Variants in RNASE4 observed in about 807,000 individuals in gnomAD.
RNASE4 encodes the protein ribonuclease 4.
For synonymous variants in RNASE4, 93 were observed against 71.4 expected (o/e 1.30, Z -1.52); for missense variants, 194 against 192.8 (o/e 1.01, Z -0.04).
At chr14:20,693,971 C>G in intron 1 of RNASE4, 1 of 1,614,100 alleles carries the variant, frequency 6.2e-7, no homozygotes, top group Non-Finnish European at 8.5e-7. Flanking sequence ...AATGGCTTAC[C>G]TGTCCACTTG....
intron 1 of RNASE4, among the ~76,000 whole-genome samples, chr14:20,690,985 A>G (rs760038320): frequency 3.3e-5 from 5 of 152,320 alleles, no homozygotes; most frequent in Non-Finnish European, 7.3e-5. Flanking sequence ...CCTTATGGGT[A>G]GATTCTGAAC....
chr14:20,688,578 T>C (rs1886537405), intron 1 of RNASE4: 1 of 591,264 alleles, frequency 1.7e-6, no homozygotes, highest in African/African-American at 2.0e-5. Context: ...CAGAAGGCCA[T>C]GTTTCTCAAA....
chr14:20,695,344 G>A (rs1320847670), intron 1 of RNASE4, among the ~76,000 whole-genome samples: 2 of 149,074 alleles, frequency 1.3e-5, no homozygotes, highest in South Asian at 2.1e-4. Flanking sequence ...GCACTGAGCC[G>A]AGATCACGCC....
intron 1 of RNASE4, among the ~76,000 whole-genome samples, chr14:20,694,580 A>C (rs1887013242): frequency 1.3e-5 from 2 of 152,028 alleles, no homozygotes; most frequent in Admixed American, 1.3e-4. Flanking sequence ...GATTACAGGC[A>C]TGAGCCACTG....
intron 1 of RNASE4, among the ~76,000 whole-genome samples, chr14:20,695,871 A>C (rs1887076650): frequency 6.6e-6 from 1 of 152,266 alleles, no homozygotes. Context: ...TCCTTGGGTT[A>C]GTCTGTTTCA....
rs768342067 is a variant in RNASE4, at chr14:20,693,617, T to A, written c.-17-5738T>A. 16 of 1,614,068 alleles carry A rather than the reference T, an allele frequency of 9.9e-6. No homozygotes were observed. In the South Asian group the frequency reaches 1.4e-4, roughly 14 times the overall value. ...TTGGTCTTCGTGCTGGGTCTGGGTC[T>A]GACCCCACCGACCCTGGCTCAGGAT... On this transcript the variant is annotated intron_variant, in intron 1 of 1. Coordinates refer to ENST00000555835, the MANE Select transcript of RNASE4 (RefSeq NM_002937.5).
chr14:20,695,828 T>C (rs1209109808), intron 1 of RNASE4, among the ~76,000 whole-genome samples: 1 of 152,254 alleles, frequency 6.6e-6, no homozygotes, highest in African/African-American at 2.4e-5. Context: ...GAGAAGTAGG[T>C]AGCTGGTATG....
intron 1 of RNASE4, chr14:20,688,685 C>T (rs1886542828): frequency 1.0e-6 from 1 of 985,108 alleles, no homozygotes; most frequent in African/African-American, 1.7e-5. Context: ...CTCGTTTGTT[C>T]AAGAGCAGTG....
intron 1 of RNASE4, among the ~76,000 whole-genome samples, chr14:20,697,293 A>C (rs2139034515): frequency 6.6e-6 from 1 of 152,264 alleles, no homozygotes; most frequent in Admixed American, 6.5e-5. Flanking sequence ...GGAAGAGCAA[A>C]CCAAAGTATA....
intron 1 of RNASE4, among the ~76,000 whole-genome samples, chr14:20,690,191 C>T (rs1355482598): frequency 6.1e-5 from 8 of 131,456 alleles, no homozygotes; most frequent in African/African-American, 8.8e-5. Context: ...GTCCGCAGTC[C>T]GGCCTGGGCG....
At chr14:20,688,831 G>A (rs925468532) in intron 1 of RNASE4, 27 of 985,232 alleles carry the variant, frequency 2.7e-5, no homozygotes, top group African/African-American at 1.2e-4. Flanking sequence ...CCCATCTCCC[G>A]TTGAAGGGAA....
chr14:20,685,933 G>A (rs369804167), intron 1 of RNASE4, among the ~76,000 whole-genome samples: 2 of 151,964 alleles, frequency 1.3e-5, no homozygotes, highest in African/African-American at 4.8e-5. Flanking sequence ...CCAGCTACTC[G>A]GGAGGCTGAG....
rs1566606019 is a variant in RNASE4, at chr14:20,699,498, C to T, written c.127C>T (p.Pro43Ser). The T allele has an allele frequency of 6.2e-6, 10 of 1,614,020 alleles. No individual in the cohort carries two copies. The highest frequency in any genetic ancestry group is 8.5e-6 in the Non-Finnish European group (10 of 1,180,040). Residue 43 changes from proline (P) to serine (S), a missense_variant, in exon 2 of 2, where the codon CCT becomes TCT. Coordinates refer to ENST00000555835, the MANE Select transcript of RNASE4 (RefSeq NM_002937.5). ...YQRFLRQHVHPEETGGSDRYC... is the reference protein window; with the variant it reads ...YQRFLRQHVHSEETGGSDRYC... ...GCGATTCCTGCGGCAACACGTGCACCCTGAGGAGACAGGTGGCAGTGATCG... is the reference window on the plus strand; with the variant it reads ...GCGATTCCTGCGGCAACACGTGCACTCTGAGGAGACAGGTGGCAGTGATCG...
At position 20,699,748 on chromosome 14, in the gene RNASE4, C is replaced by A. The variant is rs143629764; in HGVS notation, c.377C>A (p.Ala126Glu). The A allele has an allele frequency of 1.1e-5, 18 of 1,611,402 alleles. No homozygotes were observed. In the East Asian group the frequency reaches 4.0e-4, roughly 36 times the overall value. The change falls in exon 2 of 2, where the codon GCG becomes GAG. Residue 126 changes from alanine (A) to glutamate (E), a missense_variant. By Grantham distance (107) the Ala-to-Glu change is moderately radical. Transcript: ENST00000555835. ...CCCAACTGCAGATATCGGGCCATAG[C>A]GAGCACTAGACGTGTTGTCATTGCC... Reference protein sequence around the residue: ...RAPNCRYRAIASTRRVVIACE... With the variant: ...RAPNCRYRAIESTRRVVIACE...
intron 1 of RNASE4, among the ~76,000 whole-genome samples, chr14:20,685,073 A>T (rs918214311): frequency 3.3e-5 from 5 of 152,164 alleles, no homozygotes; most frequent in African/African-American, 9.7e-5. Context: ...CTTGCCCACA[A>T]CTAAGAAAGC....
chr14:20,685,280 G>T (rs57864476), intron 1 of RNASE4, among the ~76,000 whole-genome samples: 1,899 of 152,236 alleles, frequency 0.012, 36 homozygotes, highest in African/African-American at 0.043. Flanking sequence ...CTACTGGAAG[G>T]TTGGGATCCT....
chr14:20,694,005 G>A lies in RNASE4; in HGVS notation c.-17-5350G>A, dbSNP rs759928848. On this transcript the variant is annotated intron_variant, in intron 1 of 1. Transcript: ENST00000555835. ...TGGATCAGTCAATTTTCCGTCGTCC[G>A]TAACCAGCGGGCCCCTGGTCAAGTG... The A allele has an allele frequency of 2.3e-5, 37 of 1,613,930 alleles. No individual in the cohort carries two copies. Among genetic ancestry groups the A allele is most frequent in the South Asian group, 1.5e-4 (14 of 91,076 alleles).
chr14:20,699,511 G>A lies in RNASE4; in HGVS notation c.140G>A (p.Gly47Asp), dbSNP rs1389845477. 1 of 1,614,052 alleles carries A rather than the reference G, an allele frequency of 6.2e-7. No homozygotes were observed. The highest frequency in any genetic ancestry group is 8.5e-7 in the Non-Finnish European group (1 of 1,180,054). ...CAACACGTGCACCCTGAGGAGACAG[G>A]TGGCAGTGATCGCTACTGCAACTTG... Reference protein sequence around the residue: ...LRQHVHPEETGGSDRYCNLMM... With the variant: ...LRQHVHPEETDGSDRYCNLMM... The change falls in exon 2 of 2, where the codon GGT becomes GAT. Residue 47 changes from glycine (G) to aspartate (D), a missense_variant. Coordinates refer to ENST00000555835, the MANE Select transcript of RNASE4 (RefSeq NM_002937.5).
At position 20,693,713 on chromosome 14, in the gene RNASE4, G is replaced by A. The variant is rs375234576; in HGVS notation, c.-17-5642G>A. 7.4e-6 allele frequency: 12 copies of A among 1,614,086 alleles called. No individual in the cohort carries two copies. In the African/African-American group the frequency reaches 1.5e-4, roughly 20 times the overall value. On this transcript the variant is annotated intron_variant, in intron 1 of 1. Transcript: ENST00000555835. ...CCACAGGGCCGGGATGACAGATACT[G>A]TGAAAGCATCATGAGGAGACGGGGC...
Sources: gnomAD v4.1 joint callset for allele counts (sites outside exome capture counted in the v4.1 genomes callset) on GRCh38, gnomAD v4.1.1 for gene constraint, MANE v1.5 for transcripts, NCBI Gene and HGNC (gene_info 2026-07-23, HGNC 2026-07-21) for gene names.